The following EMB variants were observed in gnomAD, a reference collection of about 807,000 sequenced individuals.
EMB encodes embigin.
A neutral mutation model predicts 41.4 loss-of-function variants in EMB; 31 were observed. The observed-to-expected ratio is 0.75, with a 90% CI of 0.56 to 1.01. EMB has a LOEUF of 1.01. Among genes scored for constraint, EMB ranks in the 50% least tolerant of loss-of-function variants. EMB has a pLI of 0.00. For synonymous variants in EMB, 137 were observed against 140.4 expected (o/e 0.98, Z 0.17); for missense variants, 379 against 388.3 (o/e 0.98, Z 0.20).
chr5:50,409,883 T>C (rs1390368583), intron 4 of EMB, among the ~76,000 whole-genome samples: 1 of 152,020 alleles, frequency 6.6e-6, no homozygotes, highest in East Asian at 1.9e-4. Context: ...CCAAGATATA[T>C]AAATACAAGA....
chr5:50,410,198 G>A lies in EMB; in HGVS notation c.472+679C>T, dbSNP rs144402099. ...GATTGCATTTCCCAAATACCAGCAC[G>A]ATAATATGGTTCACTAATCACCACA... On this transcript the variant is annotated intron_variant, in intron 4 of 8. Transcript: ENST00000303221. Among the ~76,000 whole-genome samples, 57 of 152,180 alleles carry A rather than the reference G, an allele frequency of 3.7e-4. 1 individual carries two copies. In the East Asian group the frequency reaches 9.8e-3, roughly 26 times the overall value.
At chr5:50,441,437 G>C (rs1333516061), upstream of EMB, 2 of 263,758 alleles carry the variant, frequency 7.6e-6, no homozygotes, top group African/African-American at 4.4e-5. Flanking sequence ...CAGCCTCTCC[G>C]GCCTCCGCCC....
intron 2 of EMB, among the ~76,000 whole-genome samples, chr5:50,422,433 T>C (rs541665614): frequency 6.6e-6 from 1 of 152,314 alleles, no homozygotes; most frequent in South Asian, 2.1e-4. Flanking sequence ...TTTAATAACT[T>C]TGTAAAACAA....
intron 1 of EMB, chr5:50,428,459 A>G: frequency 8.7e-7 from 1 of 1,155,086 alleles, no homozygotes; most frequent in Admixed American, 4.5e-5. Flanking sequence ...ACTGACTTAC[A>G]TCAGATGGCT....
In EMB at chr5:50,397,502, A is replaced by T. The variant is rs1745089036; in HGVS notation, c.*1771T>A. 1 of 152,144 alleles carries T rather than the reference A, an allele frequency of 6.6e-6. No homozygotes were observed. Among genetic ancestry groups the T allele is most frequent in the Non-Finnish European group, 1.5e-5 (1 of 68,022 alleles). The allele number at this position is 152,144 out of a possible 1,614,324, so 9.4% of individuals were successfully genotyped here. ...TGGTTAGTGGTGGTAAAATGGAAGA[A>T]TGCATACTGCAGATGGGTTACACAT... is the stretch of plus-strand genomic sequence containing the variant. On this transcript the variant is annotated 3_prime_UTR_variant, in exon 9 of 9. Transcript: ENST00000303221.
At chr5:50,412,995 C>A (rs1745368647) in intron 2 of EMB, among the ~76,000 whole-genome samples, 1 of 150,318 alleles carries the variant, frequency 6.7e-6, no homozygotes, top group African/African-American at 2.4e-5. Context: ...CTTGTCTTTT[C>A]TTTCTTCAGT....
In EMB at chr5:50,398,473, C is replaced by T. The variant is rs1415770680; in HGVS notation, c.*800G>A. The T allele has an allele frequency of 6.6e-6, 1 of 151,968 alleles. No homozygotes were observed. The highest frequency in any genetic ancestry group is 1.5e-5 in the Non-Finnish European group (1 of 67,952). The allele number at this position is 151,968 out of a possible 1,614,324, so 9.4% of individuals were successfully genotyped here. ...ACCAGGAAACCATGAGCCACAAAAG[C>T]ATCAGTGTAGCAGTGTTTTAAGTAT... On this transcript the variant is annotated 3_prime_UTR_variant, in exon 9 of 9. Coordinates refer to ENST00000303221, the MANE Select transcript of EMB (RefSeq NM_198449.3).
In EMB at chr5:50,396,786, C is replaced by A. The variant is rs1380050174; in HGVS notation, c.*2487G>T. The A allele has an allele frequency of 9.1e-6, 1 of 110,042 alleles. No individual in the cohort carries two copies. Among genetic ancestry groups the A allele is most frequent in the Non-Finnish European group, 1.8e-5 (1 of 54,070 alleles). The allele number at this position is 110,042 out of a possible 1,614,324, so 6.8% of individuals were successfully genotyped here. On this transcript the variant is annotated 3_prime_UTR_variant, in exon 9 of 9. Coordinates refer to ENST00000303221, the MANE Select transcript of EMB (RefSeq NM_198449.3). ...GAAAAGGAGACTGAGGTAGGAAAAT[C>A]AAGGCATTAGTGTTGCAGCAGGTGT...
chr5:50,440,763 C>T (rs1745892671), intron 1 of EMB, among the ~76,000 whole-genome samples: 2 of 152,068 alleles, frequency 1.3e-5, no homozygotes, highest in African/African-American at 4.8e-5. Flanking sequence ...CAGACTCTGC[C>T]CTGTTACCTA....
chr5:50,412,269 C>G (rs887801624), intron 2 of EMB, among the ~76,000 whole-genome samples: 2 of 151,578 alleles, frequency 1.3e-5, no homozygotes, highest in African/African-American at 4.8e-5. Context: ...CACACACACA[C>G]ACACACACAC....
At chr5:50,439,065 G>A (rs1745852372) in intron 1 of EMB, among the ~76,000 whole-genome samples, 1 of 151,856 alleles carries the variant, frequency 6.6e-6, no homozygotes, top group Non-Finnish European at 1.5e-5. Flanking sequence ...ATGGAGAGCT[G>A]ATGAAACTCC....
intron 1 of EMB, among the ~76,000 whole-genome samples, chr5:50,440,008 G>A (rs558424930): frequency 1.1e-4 from 16 of 152,238 alleles, no homozygotes; most frequent in Middle Eastern, 3.4e-3. Context: ...AAGGTAGAAT[G>A]GCAACTTTCG....
At chr5:50,414,120 G>A (rs757003079) in intron 2 of EMB, among the ~76,000 whole-genome samples, 1 of 152,024 alleles carries the variant, frequency 6.6e-6, no homozygotes, top group Non-Finnish European at 1.5e-5. Context: ...TTTGGAAGAC[G>A]GTAGTATATC....
Position 50,398,191 on chromosome 5 carries a change from T to C in EMB, c.*1082A>G, listed in dbSNP as rs946318108. On this transcript the variant is annotated 3_prime_UTR_variant, in exon 9 of 9. Coordinates refer to ENST00000303221, the MANE Select transcript of EMB (RefSeq NM_198449.3). Reference sequence around the variant, plus strand: ...TATGATTTTAGTATTCATTCAAGCATTGACAACTTTTCATGTTGATTCAGA... The same window carrying C: ...TATGATTTTAGTATTCATTCAAGCACTGACAACTTTTCATGTTGATTCAGA... 6 of 151,492 alleles carry C rather than the reference T, an allele frequency of 4.0e-5. No individual in the cohort carries two copies. Among genetic ancestry groups the C allele is most frequent in the Non-Finnish European group, 7.4e-5 (5 of 67,860 alleles). 9.4% of individuals were successfully genotyped at this position (151,492 alleles called of 1,614,324 possible). A position where few individuals can be genotyped will look rare whatever the true frequency, so the allele number is the denominator to read the frequency against.
chr5:50,397,456 T>A lies in EMB; in HGVS notation c.*1817A>T, dbSNP rs1474927230. 1.3e-5 allele frequency: 2 copies of A among 152,132 alleles called. No individual in the cohort carries two copies. Among genetic ancestry groups the A allele is most frequent in the Non-Finnish European group, 2.9e-5 (2 of 68,024 alleles). The allele number at this position is 152,132 out of a possible 1,614,324, so 9.4% of individuals were successfully genotyped here. ...CCTTTGGGAAGCAATGCTTGTTGCT[T>A]GAAAATTGTATGAGCCTCAATGGTT... On this transcript the variant is annotated 3_prime_UTR_variant, in exon 9 of 9. Transcript: ENST00000303221.
Position 50,418,305 on chromosome 5 carries a change from T to C in EMB, c.197-6922A>G, listed in dbSNP as rs572386977. Among the ~76,000 whole-genome samples the C allele has an allele frequency of 4.6e-5, 7 of 152,348 alleles. No homozygotes were observed. The South Asian group carries it at 1.5e-3, about 32-fold the overall frequency. On this transcript the variant is annotated intron_variant, in intron 2 of 8. Transcript: ENST00000303221. ...AATCCAACACTATAGTGGGGACCAC[T>C]GATCATATTTTTGGACAACCAGAAT...
chr5:50,420,913 GTTC>G (rs1342056019), intron 2 of EMB, among the ~76,000 whole-genome samples: 1 of 152,140 alleles, frequency 6.6e-6, no homozygotes, highest in Non-Finnish European at 1.5e-5. Context: ...TGCATAAGAA[GTTC>G]TTGTCTCACA....
At chr5:50,413,082 A>T (rs1325135275) in intron 2 of EMB, among the ~76,000 whole-genome samples, 4 of 152,100 alleles carry the variant, frequency 2.6e-5, no homozygotes, top group African/African-American at 9.7e-5. Context: ...GCACACACAC[A>T]CACTTAGGGA....
chr5:50,399,574 T>C (rs1745125645), intron 8 of EMB, among the ~76,000 whole-genome samples: 1 of 151,926 alleles, frequency 6.6e-6, no homozygotes, highest in Non-Finnish European at 1.5e-5. Context: ...TAAAGCTACA[T>C]GAAAAATTGT....
Sources: allele counts gnomAD v4.1 joint callset (sites outside exome capture counted in the v4.1 genomes callset), GRCh38; gene constraint gnomAD v4.1.1; transcripts MANE v1.5; gene names NCBI Gene and HGNC (gene_info 2026-07-23, HGNC 2026-07-21).